The following ZNF202 variants were observed in gnomAD, a reference collection of about 807,000 sequenced individuals.
ZNF202 encodes the protein zinc finger protein 202.
In ZNF202, 22 loss-of-function variants were observed where a neutral mutation model predicts 54.5. The observed-to-expected ratio is 0.40, with a 90% CI of 0.29 to 0.58. The LOEUF is 0.58. Ranked by LOEUF, ZNF202 falls within the 20% of genes least tolerant of loss-of-function variation. ZNF202 has a pLI of 0.39. For synonymous variants in ZNF202, 294 were observed against 301.4 expected (o/e 0.98, Z 0.26); for missense variants, 644 against 805.5 (o/e 0.80, Z 2.43).
At chr11:123,735,061 T>C (rs1230167020) in intron 3 of ZNF202, among the ~76,000 whole-genome samples, 2 of 152,118 alleles carry the variant, frequency 1.3e-5, no homozygotes, top group South Asian at 2.1e-4. Flanking sequence ...TCAATTTTAA[T>C]AAGCGCAAAA....
rs1861167143 is a variant in ZNF202 at position 123,726,830 on chromosome 11, T to G, written c.1114A>C (p.Thr372Pro). ...AAACTATTCACTTGAGAAATATTAG[T>G]ACCAAATCTTCTTTCATTAAGTCTA... is the stretch of plus-strand genomic sequence containing the variant. Reference protein sequence around the residue: ...PGRLNERRFGTNISQVNSFVN... With the variant: ...PGRLNERRFGPNISQVNSFVN... Residue 372 changes from threonine to proline, a missense_variant, in exon 9 of 9, where the codon ACT becomes CCT. Thr to Pro is a conservative substitution (Grantham distance 38). Coordinates refer to ENST00000530393, the MANE Select transcript of ZNF202 (RefSeq NM_003455.4). The surrounding 1 kb of genome is among the most constrained non-coding windows in gnomAD (Gnocchi z 6.0). 6.2e-7 allele frequency: 1 copy of G among 1,614,240 alleles called. No individual in the cohort carries two copies. The highest frequency in any genetic ancestry group is 1.3e-5 in the African/African-American group (1 of 75,060).
At position 123,730,425 on chromosome 11, in the gene ZNF202, A is replaced by C; in HGVS notation, c.402+62T>G. On this transcript the variant is annotated intron_variant, in intron 4 of 8. Transcript: ENST00000530393. This position sits in a 1 kb window ranked among gnomAD's most constrained non-coding sequence, Gnocchi z 6.0. ...GGGATCCTGCAAGCTCTCCCCGCAAATCCAGCCTTCCAGCAAATAGTCCCC... is the reference window on the plus strand; with the variant it reads ...GGGATCCTGCAAGCTCTCCCCGCAACTCCAGCCTTCCAGCAAATAGTCCCC... The C allele has an allele frequency of 6.7e-7, 1 of 1,483,906 alleles. No homozygotes were observed. The allele number at this position is 1,483,906 out of a possible 1,614,324, so 91.9% of individuals were successfully genotyped here.
chr11:123,727,021 T>C, intron 8 of ZNF202, 30 bp from the exon 9 acceptor site: 2 of 1,582,132 alleles, frequency 1.3e-6, no homozygotes, highest in Non-Finnish European at 1.7e-6. Context: ...AAAAAGGGGG[T>C]CACTGTAGCG....
At chr11:123,727,416 A>G (rs1861200163) in intron 8 of ZNF202, 60 bp downstream of exon 8, 22 of 1,604,830 alleles carry the variant, frequency 1.4e-5, no homozygotes, top group Non-Finnish European at 1.8e-5. Flanking sequence ...GAGAGAGAGA[A>G]GCACTGCCTA....
chr11:123,728,142 C>A lies in ZNF202; in HGVS notation c.823G>T (p.Val275Phe). 1 of 1,609,794 alleles carries A rather than the reference C, an allele frequency of 6.2e-7. No homozygotes were observed. The highest frequency in any genetic ancestry group is 8.5e-7 in the Non-Finnish European group (1 of 1,177,506). ...YVLEEDCGIV[V>F]SLSFPIPRPD... Reference sequence around the variant, plus strand: ...ACTTGAAATTCCTTACACAGAGAGACAACAATTCCACAGTCTTCTTCCAAG... The same window carrying A: ...ACTTGAAATTCCTTACACAGAGAGAAAACAATTCCACAGTCTTCTTCCAAG... Residue 275 changes from valine to phenylalanine, a missense_variant, in exon 7 of 9, where the codon GTC becomes TTC. Physicochemically the swap from Val to Phe is conservative, Grantham distance 50. Coordinates refer to ENST00000530393, the MANE Select transcript of ZNF202 (RefSeq NM_003455.4).
In ZNF202 at chr11:123,729,128, G is replaced by A. The variant is rs1861287051; in HGVS notation, c.700C>T (p.Gln234Ter). The A allele has an allele frequency of 6.2e-7, 1 of 1,613,724 alleles. No individual in the cohort carries two copies. ...EMVALLTALS[Q>*]GLVTFKDVAV... ...GTACAGAGGTAACTAGGGCACACCT[G>A]TGACAGAGCAGTAAGAAGAGCAACC... The change falls in exon 6 of 9, where the codon CAG (glutamine) becomes TAG (stop). Residue 234 changes from glutamine (Q) to a stop codon, truncating the protein, a stop_gained and splice_region_variant. Transcript: ENST00000530393. LOFTEE classifies it high-confidence loss of function.
intron 1 of ZNF202, among the ~76,000 whole-genome samples, chr11:123,740,928 C>T (rs1466315646): frequency 5.3e-5 from 6 of 112,868 alleles, no homozygotes; most frequent in Non-Finnish European, 1.2e-4. Flanking sequence ...ACAGCAGCTA[C>T]TGGCTTGAGG....
At chr11:123,731,415 A>C (rs11822104) in intron 3 of ZNF202, among the ~76,000 whole-genome samples, 201 of 152,358 alleles carry the variant, frequency 1.3e-3, no homozygotes, top group African/African-American at 4.6e-3. Flanking sequence ...AGATTTTGCA[A>C]AACATAGTAT....
At chr11:123,736,839 A>G (rs1861653206) in intron 3 of ZNF202, among the ~76,000 whole-genome samples, 1 of 152,138 alleles carries the variant, frequency 6.6e-6, no homozygotes, top group Non-Finnish European at 1.5e-5. Flanking sequence ...ACCTATAGAA[A>G]CCCTTCAGTA....
intron 3 of ZNF202, among the ~76,000 whole-genome samples, chr11:123,733,244 G>GACCAC (rs1861488575): frequency 6.6e-6 from 1 of 152,156 alleles, no homozygotes; most frequent in Non-Finnish European, 1.5e-5. Context: ...TACAGTCAAT[G>GACCAC]ATCACATTAT....
chr11:123,734,708 G>A lies in ZNF202; in HGVS notation c.-97-3723C>T, dbSNP rs564177020. ...GGCAGGGATATGCTGTGCCCAGCTC[G>A]ATGCCTGGCACACACCAGGCACTCA... On this transcript the variant is annotated intron_variant, in intron 3 of 8. Coordinates refer to ENST00000530393, the MANE Select transcript of ZNF202 (RefSeq NM_003455.4). Among the ~76,000 whole-genome samples the A allele has an allele frequency of 6.9e-4, 105 of 152,222 alleles. 1 individual carries two copies. The highest frequency in any genetic ancestry group is 2.4e-3 in the African/African-American group (101 of 41,542).
At chr11:123,740,668 G>A (rs1015757533) in intron 1 of ZNF202, 132 bp from the exon 2 acceptor site, 16 of 152,266 alleles carry the variant, frequency 1.1e-4, no homozygotes, top group African/African-American at 3.6e-4. Context: ...CCTCTGGGGA[G>A]GTCAGTACAG....
intron 1 of ZNF202, 144 bp from the exon 2 acceptor site, chr11:123,740,680 T>A (rs1861824065): frequency 6.6e-6 from 1 of 152,236 alleles, no homozygotes; most frequent in Non-Finnish European, 1.5e-5. Context: ...TCAGTACAGA[T>A]TCCAAGGCAG....
Position 123,725,760 on chromosome 11 carries a change from G to A in ZNF202, c.*237C>T, listed in dbSNP as rs1466491321. On this transcript the variant is annotated 3_prime_UTR_variant, in exon 9 of 9. Transcript: ENST00000530393. ...GAGGTAGAGGCAGGTGCACTCCAGT[G>A]AAGGAGAAGCCTCAATTCAGGTTGT... 5.8e-6 allele frequency: 3 copies of A among 518,748 alleles called. No homozygotes were observed. The highest frequency in any genetic ancestry group is 1.0e-5 in the Non-Finnish European group (3 of 295,116). 32.1% of individuals were successfully genotyped at this position (518,748 alleles called of 1,614,324 possible).
At chr11:123,732,240 G>T (rs1015307504) in intron 3 of ZNF202, among the ~76,000 whole-genome samples, 2 of 152,162 alleles carry the variant, frequency 1.3e-5, no homozygotes, top group African/African-American at 4.8e-5. Flanking sequence ...ACTATGATCA[G>T]AACGAGCTCT....
At position 123,731,193 on chromosome 11, in the gene ZNF202, C is replaced by T. The variant is rs568677811; in HGVS notation, c.-97-208G>A. On this transcript the variant is annotated intron_variant, in intron 3 of 8. Transcript: ENST00000530393. ...ATGGTCCTCTACTCCCTTTCCTAGGCAAGGTTCATACTCTGCAAGAAAATA... is the reference window on the plus strand; with the variant it reads ...ATGGTCCTCTACTCCCTTTCCTAGGTAAGGTTCATACTCTGCAAGAAAATA... Among the ~76,000 whole-genome samples the T allele has an allele frequency of 6.6e-5, 10 of 152,304 alleles. No homozygotes were observed. In the South Asian group the frequency reaches 2.1e-3, roughly 32 times the overall value.
rs138953778 is a variant in ZNF202 at position 123,734,612 on chromosome 11, C to A, written c.-97-3627G>T. The stretch of plus-strand genomic sequence containing the variant: ...GTATCTCCCCCTATCACAGCATGCA[C>A]ATGTGTCTATTTTTTGTGTCATCAA... On this transcript the variant is annotated intron_variant, in intron 3 of 8. Coordinates refer to ENST00000530393, the MANE Select transcript of ZNF202 (RefSeq NM_003455.4). Among the ~76,000 whole-genome samples the A allele has an allele frequency of 1.1e-3, 172 of 152,240 alleles. 2 individuals are homozygous for A. The highest frequency in any genetic ancestry group is 5.8e-3 in the East Asian group (30 of 5,172).
At chr11:123,738,834 T>C (rs183449930) in intron 3 of ZNF202, 1 of 152,298 alleles carries the variant, frequency 6.6e-6, no homozygotes, top group Non-Finnish European at 1.5e-5. Context: ...CCTTTAGCAT[T>C]TGAGGAGATG....
chr11:123,739,754 A>T (rs1861784901), intron 3 of ZNF202, among the ~76,000 whole-genome samples: 1 of 152,214 alleles, frequency 6.6e-6, no homozygotes, highest in South Asian at 2.1e-4. Context: ...CTACTGCAAT[A>T]CATATATCAC....
Sources: gnomAD v4.1 joint callset for allele counts (sites outside exome capture counted in the v4.1 genomes callset) on GRCh38, gnomAD v4.1.1 for gene constraint, Gnocchi (gnomAD v3.1) non-coding constraint, MANE v1.5 for transcripts, NCBI Gene and HGNC (gene_info 2026-07-23, HGNC 2026-07-21) for gene names.